RBFOX1: variants seen among roughly 807,000 people sequenced by gnomAD.
The protein encoded by RBFOX1 is RNA binding fox-1 homolog 1.
Under a neutral mutation model 57.7 loss-of-function variants are expected in RBFOX1, and 8 were observed. The ratio of observed to expected loss-of-function variants is 0.14; its 90% CI spans 0.08 to 0.25. RBFOX1 has a LOEUF of 0.25. Ranked by LOEUF, RBFOX1 falls within the 10% of genes least tolerant of loss-of-function variation. RBFOX1 has a pLI of 1.00. For synonymous variants in RBFOX1, 326 were observed against 222.4 expected, an observed-to-expected ratio of 1.47 and a Z score of -4.15; for missense variants, 611 against 548.5, an observed-to-expected ratio of 1.11 and a Z score of -1.14.
intron 3 of RBFOX1, among the ~76,000 whole-genome samples, chr16:5,851,880 G>C (rs945615776): frequency 2.0e-5 from 3 of 152,180 alleles, no homozygotes; most frequent in Non-Finnish European, 4.4e-5. Flanking sequence ...GCCAGGTGTA[G>C]AGAGTTTCTG....
chr16:6,700,708 G>A (rs905339414), intron 3 of RBFOX1, among the ~76,000 whole-genome samples: 6 of 152,178 alleles, frequency 3.9e-5, no homozygotes, highest in East Asian at 1.9e-4. Context: ...AAGTAGATTC[G>A]TGAAACCGAG....
intron 14 of RBFOX1, among the ~76,000 whole-genome samples, chr16:7,691,715 C>G (rs921022295): frequency 6.6e-6 from 1 of 152,122 alleles, no homozygotes; most frequent in African/African-American, 2.4e-5. Context: ...TGATGTCTAG[C>G]ACATTGGACA....
At chr16:5,525,485 G>A (rs78211385) in intron 2 of RBFOX1, among the ~76,000 whole-genome samples, 1,570 of 134,294 alleles carry the variant, frequency 0.012, 12 homozygotes, top group Non-Finnish European at 0.019. Flanking sequence ...CTCTAGAGCC[G>A]ACACTATTTT....
At chr16:6,410,717 A>T (rs986006725) in intron 2 of RBFOX1, among the ~76,000 whole-genome samples, 1 of 152,172 alleles carries the variant, frequency 6.6e-6, no homozygotes, top group Non-Finnish European at 1.5e-5. Context: ...GTGTCTATCC[A>T]AGAGGAATTT....
chr16:6,500,622 G>T (rs540945024), intron 2 of RBFOX1, among the ~76,000 whole-genome samples: 2 of 152,090 alleles, frequency 1.3e-5, no homozygotes, highest in Non-Finnish European at 1.5e-5. Context: ...AAGGTGAAGA[G>T]GCAATTGAAG....
At chr16:5,777,337 C>T (rs1277498819) in intron 3 of RBFOX1, among the ~76,000 whole-genome samples, 4 of 152,192 alleles carry the variant, frequency 2.6e-5, no homozygotes, top group African/African-American at 9.7e-5. Flanking sequence ...TGAAGGGACC[C>T]TAGTGATTCC....
At chr16:5,384,735 C>T (rs781244223) in intron 1 of RBFOX1, among the ~76,000 whole-genome samples, 5 of 152,042 alleles carry the variant, frequency 3.3e-5, no homozygotes, top group Non-Finnish European at 5.9e-5. Flanking sequence ...CTTTTTGGCC[C>T]GAACATCAAA....
rs138912810 is a variant in RBFOX1, at chr16:6,967,902, C to T, written c.-15-84155C>T. Among the ~76,000 whole-genome samples, 157 of 152,268 alleles carry T rather than the reference C, an allele frequency of 1.0e-3. 1 individual carries two copies. The East Asian group carries it at 0.027, about 27-fold the overall frequency. On this transcript the variant is annotated intron_variant, in intron 3 of 15. Transcript: ENST00000550418. ...TGAAAAAAGATGCCCCAAATCACTG[C>T]TCCAATTCCTCCCACCAACTGTTCA...
Position 6,247,382 on chromosome 16 carries a change from C to G in RBFOX1, c.-126-69613C>G, listed in dbSNP as rs1471397270. Among the ~76,000 whole-genome samples, 5 of 152,148 alleles carry G rather than the reference C, an allele frequency of 3.3e-5. No individual in the cohort carries two copies. In the East Asian group the frequency reaches 7.7e-4, roughly 23 times the overall value. ...GCTGGTCACATGTGTGATTTGGACC[C>G]TATTACATCAACCATAAAATGATTG... On this transcript the variant is annotated intron_variant, in intron 1 of 15. Transcript: ENST00000550418.
At chr16:7,251,891 ATTT>A (rs1567898725) in intron 4 of RBFOX1, among the ~76,000 whole-genome samples, 1 of 152,068 alleles carries the variant, frequency 6.6e-6, no homozygotes, top group African/African-American at 2.4e-5. Context: ...TCTATTTTTA[ATTT>A]TTTAAGGAAC....
At chr16:5,711,636 G>T (rs555266134) in intron 3 of RBFOX1, among the ~76,000 whole-genome samples, 1 of 152,308 alleles carries the variant, frequency 6.6e-6, no homozygotes, top group Admixed American at 6.5e-5. Context: ...GATGGGACTG[G>T]GGAGGTGAAC....
Position 6,927,794 on chromosome 16 carries a change from C to G in RBFOX1, c.-15-124263C>G, listed in dbSNP as rs141682934. On this transcript the variant is annotated intron_variant, in intron 3 of 15. Transcript: ENST00000550418. Reference sequence around the variant, plus strand: ...TTGTTTTTGTTCTGTTGAATTAAGCCACCACCCTAAAGAGCCAGAAGCCTA... The same window carrying G: ...TTGTTTTTGTTCTGTTGAATTAAGCGACCACCCTAAAGAGCCAGAAGCCTA... Among the ~76,000 whole-genome samples, 13 of 152,262 alleles carry G rather than the reference C, an allele frequency of 8.5e-5. 1 individual carries two copies. The East Asian group carries it at 2.5e-3, about 29-fold the overall frequency.
intron 1 of RBFOX1, among the ~76,000 whole-genome samples, chr16:6,185,857 T>C (rs1315807125): frequency 6.6e-6 from 1 of 152,130 alleles, no homozygotes; most frequent in South Asian, 2.1e-4. Flanking sequence ...TCTTCTTTCC[T>C]TGACATCCTA....
chr16:6,807,221 G>C (rs544389941), intron 3 of RBFOX1, among the ~76,000 whole-genome samples: 73 of 152,164 alleles, frequency 4.8e-4, no homozygotes, highest in African/African-American at 1.7e-3. Flanking sequence ...GTCTGTTCCA[G>C]TAGTTCAAGT....
At chr16:7,094,773 T>TGTGTGTGTGG (rs1272219459) in intron 4 of RBFOX1, among the ~76,000 whole-genome samples, 1 of 140,920 alleles carries the variant, frequency 7.1e-6, no homozygotes. Flanking sequence ...TGTGTGTGTG[T>TGTGTGTGTGG]GTGGGTGTGT....
At chr16:7,016,246 G>A (rs569951293) in intron 3 of RBFOX1, among the ~76,000 whole-genome samples, 2 of 152,038 alleles carry the variant, frequency 1.3e-5, no homozygotes, top group Admixed American at 6.6e-5. Flanking sequence ...ATGTGGAACG[G>A]GACCTGCCTC....
At chr16:7,563,146 A>G (rs2090823378) in intron 5 of RBFOX1, among the ~76,000 whole-genome samples, 1 of 152,222 alleles carries the variant, frequency 6.6e-6, no homozygotes, top group African/African-American at 2.4e-5. Context: ...TCATCAGACA[A>G]TGTGAAGAGA....
In RBFOX1 at chr16:6,483,218, C is replaced by A. The variant is rs191306738; in HGVS notation, c.-64+166161C>A. The A allele has an allele frequency of 1.3e-5, 16 of 1,215,924 alleles. No individual in the cohort carries two copies. The Middle Eastern group carries it at 3.3e-3, about 253-fold the overall frequency. The allele number at this position is 1,215,924 out of a possible 1,614,324, so 75.3% of individuals were successfully genotyped here. A position where few individuals can be genotyped will look rare whatever the true frequency, so the allele number is the denominator to read the frequency against. Reference sequence around the variant, plus strand: ...AGAGGCCGAGGCCGGCCGGGGAAGCCGGACCCGGGCCCTGGCGCCGCCGTG... The same window carrying A: ...AGAGGCCGAGGCCGGCCGGGGAAGCAGGACCCGGGCCCTGGCGCCGCCGTG... On this transcript the variant is annotated intron_variant, in intron 2 of 15. Transcript: ENST00000550418.
At chr16:5,634,728 G>A (rs2048627225) in intron 3 of RBFOX1, among the ~76,000 whole-genome samples, 1 of 152,184 alleles carries the variant, frequency 6.6e-6, no homozygotes. Flanking sequence ...GGGCCCACCA[G>A]CGTATTCTCT....
Sources: gnomAD v4.1 joint callset for allele counts (sites outside exome capture counted in the v4.1 genomes callset) on GRCh38, gnomAD v4.1.1 for gene constraint, MANE v1.5 for transcripts, NCBI Gene and HGNC (gene_info 2026-07-23, HGNC 2026-07-21) for gene names.